FRMD1: variants seen among roughly 807,000 people sequenced by gnomAD.
FRMD1 encodes the protein FERM domain-containing protein 1.
A neutral mutation model predicts 54.9 loss-of-function variants in FRMD1; 51 were observed. The observed-to-expected ratio is 0.93, with a 90% confidence interval of 0.74 to 1.17. FRMD1 has a LOEUF of 1.17. FRMD1 is among the 50% of genes most tolerant of loss of function. The pLI, the probability that FRMD1 is intolerant of heterozygous loss-of-function variation, is 0.00. For synonymous variants in FRMD1, 324 were observed against 306.4 expected (o/e 1.06, Z -0.60); for missense variants, 729 against 743.0 (o/e 0.98, Z 0.22).
At chr6:168,084,990 G>A (rs1008166828), upstream of FRMD1, among the ~76,000 whole-genome samples, 6 of 152,334 alleles carry the variant, frequency 3.9e-5, no homozygotes, top group Non-Finnish European at 5.9e-5. Flanking sequence ...CCCCGTGGAC[G>A]TGGGTGTCAC....
chr6:168,090,049 G>A (rs1029775445), intron 1 of FRMD1, among the ~76,000 whole-genome samples: 7 of 152,048 alleles, frequency 4.6e-5, no homozygotes, highest in African/African-American at 1.2e-4. Context: ...TCTCCACCCC[G>A]CGTCCAGACA....
At chr6:168,081,501 G>T (rs746121347), upstream of FRMD1, 1 of 1,532,562 alleles carries the variant, frequency 6.5e-7, no homozygotes, top group South Asian at 1.2e-5. Flanking sequence ...AGTCCTCCTC[G>T]GCCCAACTCT....
At chr6:168,088,905 G>A (rs562594798) in intron 1 of FRMD1, among the ~76,000 whole-genome samples, 9 of 152,260 alleles carry the variant, frequency 5.9e-5, no homozygotes, top group South Asian at 2.1e-4. Flanking sequence ...GTGACCCACC[G>A]GCCTGCCTGT....
At chr6:168,057,412 G>A in intron 10 of FRMD1, 73 bp from the exon 11 acceptor site, 1 of 1,566,444 alleles carries the variant, frequency 6.4e-7, no homozygotes, top group Non-Finnish European at 8.6e-7. Flanking sequence ...CAGCCACACT[G>A]CTTGTGGCCA....
intron 1 of FRMD1, among the ~76,000 whole-genome samples, chr6:168,092,425 T>A (rs10945467): frequency 0.016 from 2,386 of 149,474 alleles, 63 homozygotes; most frequent in Admixed American, 0.054. Flanking sequence ...GGAGGTGATG[T>A]GGTCATGGGG....
chr6:168,069,834 C>A (rs887354665), intron 2 of FRMD1, among the ~76,000 whole-genome samples: 3 of 152,218 alleles, frequency 2.0e-5, no homozygotes, highest in African/African-American at 7.2e-5. Context: ...GACATCATCA[C>A]CTCTGGTGAT....
intron 2 of FRMD1, among the ~76,000 whole-genome samples, chr6:168,072,210 C>T (rs1800341887): frequency 1.3e-5 from 2 of 152,310 alleles, no homozygotes; most frequent in South Asian, 4.1e-4. Flanking sequence ...GACGCCCTGC[C>T]CTGCACCCCC....
chr6:168,068,463 T>C lies in FRMD1; in HGVS notation c.305-1017A>G, dbSNP rs1421938448. 4.6e-5 allele frequency among the ~76,000 whole-genome samples: 7 copies of C among 152,182 alleles called. 1 individual carries two copies. The highest frequency in any genetic ancestry group is 1.3e-4 in the Admixed American group (2 of 15,278). The stretch of plus-strand genomic sequence containing the variant: ...ACCCGGGGATGGTGTAGAGTTTGCA[T>C]GTACCCTATGCACATCCTCATGTAC... On this transcript the variant is annotated intron_variant, in intron 2 of 10. Transcript: ENST00000283309.
chr6:168,063,037 G>A (rs1490644274), intron 6 of FRMD1, 78 bp from the exon 7 acceptor site: 5 of 1,257,286 alleles, frequency 4.0e-6, no homozygotes, highest in Non-Finnish European at 4.7e-6. Context: ...TGGTCAGTCT[G>A]GCTAGGGGCC....
chr6:168,063,611 C>CT lies in FRMD1; in HGVS notation c.793dup (p.Arg265LysfsTer6). ...CGCCCTGGGCTCGACCTTGTGCAGC[C>CT]TGAAGAAGTGCACGGGCACGTCCTC... On this transcript the variant is annotated frameshift_variant, in exon 6 of 11. Coordinates refer to ENST00000283309, the MANE Select transcript of FRMD1 (RefSeq NM_024919.6). LOFTEE classifies it high-confidence loss of function. 1 of 1,611,780 alleles carries CT rather than the reference C, an allele frequency of 6.2e-7. No individual in the cohort carries two copies. Among genetic ancestry groups the CT allele is most frequent in the South Asian group, 1.1e-5 (1 of 90,766 alleles).
chr6:168,070,256 G>A (rs1306799768), intron 2 of FRMD1, among the ~76,000 whole-genome samples: 1 of 108,906 alleles, frequency 9.2e-6, no homozygotes, highest in East Asian at 2.6e-4. Context: ...AGGAAAGAAA[G>A]AAGGAAGGAA....
chr6:168,057,220 G>T lies in FRMD1; in HGVS notation c.1527C>A (p.Arg509=), dbSNP rs189057181. The change falls in exon 11 of 11, where the codon CGC becomes CGA. Residue 509 remains arginine, a synonymous_variant. Coordinates refer to ENST00000283309, the MANE Select transcript of FRMD1 (RefSeq NM_024919.6). The stretch of plus-strand genomic sequence containing the variant: ...GGCCTGCCAGCCTGCAGTCCAGGGC[G>T]CGGTGGAAGGTATGGCTGAGTGAGG... The part of the protein sequence containing the change: ...APTSLSHTFH[R]ALDCRLAGPC... 29 of 1,608,822 alleles carry T rather than the reference G, an allele frequency of 1.8e-5. No individual in the cohort carries two copies. The South Asian group carries it at 3.2e-4, about 18-fold the overall frequency.
intron 1 of FRMD1, among the ~76,000 whole-genome samples, chr6:168,088,886 T>TCAACCTCCCCATCCAG (rs1562436457): frequency 0.04 from 1,859 of 46,086 alleles, 25 homozygotes; most frequent in Middle Eastern, 0.074. Flanking sequence ...CCCCACTCCT[T>TCAACCTCCCCATCCAG]GTGTCCGTGT....
At chr6:168,074,249 G>A (rs1027467630) in intron 2 of FRMD1, among the ~76,000 whole-genome samples, 20 of 152,248 alleles carry the variant, frequency 1.3e-4, no homozygotes, top group African/African-American at 4.3e-4. Flanking sequence ...TGCCGTCTGC[G>A]TGTACTAGAA....
chr6:168,072,203 G>A (rs534972466), intron 2 of FRMD1, among the ~76,000 whole-genome samples: 1 of 152,118 alleles, frequency 6.6e-6, no homozygotes, highest in Admixed American at 6.5e-5. Flanking sequence ...CAGGAGAGAC[G>A]CCCTGCCCTG....
upstream of FRMD1, among the ~76,000 whole-genome samples, chr6:168,083,915 G>A (rs1423204458): frequency 1.3e-5 from 2 of 152,180 alleles, no homozygotes; most frequent in Non-Finnish European, 2.9e-5. Flanking sequence ...CAATTTACTT[G>A]TTACAAAGTC....
intron 1 of FRMD1, among the ~76,000 whole-genome samples, chr6:168,090,735 C>T (rs752565910): frequency 1.3e-5 from 2 of 152,368 alleles, no homozygotes; most frequent in Admixed American, 6.5e-5. Context: ...GGCCATGGCG[C>T]GTGCTTAGCA....
chr6:168,090,392 G>A (rs1013167307), intron 1 of FRMD1, among the ~76,000 whole-genome samples: 39 of 152,248 alleles, frequency 2.6e-4, no homozygotes, highest in African/African-American at 9.1e-4. Context: ...TGGCCTCACC[G>A]TCTGCTCCCA....
chr6:168,077,351 GCAGACA>G, intron 1 of FRMD1, among the ~76,000 whole-genome samples: 1 of 151,268 alleles, frequency 6.6e-6, no homozygotes, highest in African/African-American at 2.4e-5. Flanking sequence ...CTGTCCAACT[GCAGACA>G]CAGATGTGCA....
Sources: gnomAD v4.1 joint callset for allele counts (sites outside exome capture counted in the v4.1 genomes callset) on GRCh38, gnomAD v4.1.1 for gene constraint, MANE v1.5 for transcripts, NCBI Gene and HGNC (gene_info 2026-07-23, HGNC 2026-07-21) for gene names.